CRLS1: variants seen among roughly 807,000 people sequenced by gnomAD.
CRLS1 encodes the protein cardiolipin synthase (CMP-forming).
CRLS1 carries 24 observed loss-of-function variants against 37.0 expected under a neutral mutation model. The observed-to-expected ratio is 0.65, with a 90% CI of 0.47 to 0.91. The LOEUF (loss-of-function observed/expected upper bound fraction) is 0.91, where lower values mean the gene tolerates loss of function less well. Among genes scored for constraint, CRLS1 ranks in the 40% least tolerant of loss-of-function variants. CRLS1 has a pLI of 0.00. For synonymous variants in CRLS1, 135 were observed against 159.7 expected, an observed-to-expected ratio of 0.85 and a Z score of 1.17; for missense variants, 373 against 395.8, an observed-to-expected ratio of 0.94 and a Z score of 0.49.
At chr20:6,019,161 T>C (rs2122961136) in intron 3 of CRLS1, among the ~76,000 whole-genome samples, 1 of 152,332 alleles carries the variant, frequency 6.6e-6, no homozygotes, top group South Asian at 2.1e-4. Context: ...GGAGTTTTCT[T>C]TAGGGCAGAG....
chr20:6,020,232 T>C (rs1488692906), intron 3 of CRLS1, among the ~76,000 whole-genome samples: 4 of 152,234 alleles, frequency 2.6e-5, no homozygotes, highest in Admixed American at 1.3e-4. Flanking sequence ...TTTTCAGCTT[T>C]TCTTTTCTAA....
chr20:6,006,702 C>T, intron 1 of CRLS1, 150 bp downstream of exon 1: 1 of 1,210,074 alleles, frequency 8.3e-7, no homozygotes, highest in Non-Finnish European at 1.0e-6. Context: ...GCAGGTCATT[C>T]GGTCGGGATG....
intron 4 of CRLS1, 98 bp downstream of exon 4, chr20:6,031,468 G>T (rs1197640112): frequency 1.2e-6 from 1 of 851,712 alleles, no homozygotes; most frequent in Non-Finnish European, 1.8e-6. Flanking sequence ...TCAATTGATG[G>T]CACGTGAAAC....
chr20:6,010,977 A>T (rs919187818), intron 2 of CRLS1, among the ~76,000 whole-genome samples: 1 of 152,048 alleles, frequency 6.6e-6, no homozygotes, highest in African/African-American at 2.4e-5. Context: ...TGATCGCACC[A>T]CTGTACTCTA....
intron 6 of CRLS1, among the ~76,000 whole-genome samples, chr20:6,035,087 A>G (rs1980448192): frequency 1.3e-5 from 2 of 152,246 alleles, no homozygotes; most frequent in South Asian, 4.1e-4. Context: ...AAATAGTCAC[A>G]TTGACATTGG....
At chr20:6,035,292 T>A (rs2123032804) in intron 6 of CRLS1, among the ~76,000 whole-genome samples, 1 of 152,344 alleles carries the variant, frequency 6.6e-6, no homozygotes, top group African/African-American at 2.4e-5. Flanking sequence ...TACCTTCTGA[T>A]ATAGGATGAA....
chr20:6,021,259 G>T (rs1207864636), intron 3 of CRLS1, among the ~76,000 whole-genome samples: 3 of 151,858 alleles, frequency 2.0e-5, no homozygotes, highest in Admixed American at 2.0e-4. Context: ...TAGAGACGGG[G>T]TTTCACCATG....
chr20:6,032,019 T>C lies in CRLS1; in HGVS notation c.668T>C (p.Leu223Pro). ...TTTTTGGTCCTCTGCCAGCGAACACTTGCCAAGTATTTCAATCCTTGCTAT... is the reference window on the plus strand; with the variant it reads ...TTTTTGGTCCTCTGCCAGCGAACACCTGCCAAGTATTTCAATCCTTGCTAT... Reference protein sequence around the residue: ...RYRTLPTPRTLAKYFNPCYAT... With the variant: ...RYRTLPTPRTPAKYFNPCYAT... The change falls in exon 5 of 7, where the codon CTT becomes CCT. Residue 223 changes from leucine (L) to proline (P), a missense_variant. By Grantham distance (98) the Leu-to-Pro change is moderately conservative (BLOSUM62 -3). Coordinates refer to ENST00000378863, the MANE Select transcript of CRLS1 (RefSeq NM_019095.6). The C allele has an allele frequency of 6.2e-7, 1 of 1,612,502 alleles. No individual in the cohort carries two copies. Among genetic ancestry groups the C allele is most frequent in the South Asian group, 1.1e-5 (1 of 90,868 alleles).
rs759366738 is a variant in CRLS1, at chr20:6,033,397, A to G, written c.730-1067A>G. The stretch of plus-strand genomic sequence containing the variant: ...GTGATCCACCCATCTCGGCCTCCCA[A>G]AGTGCTGGGCTTACAGGCGTGAGCC... On this transcript the variant is annotated intron_variant, in intron 5 of 6. Coordinates refer to ENST00000378863, the MANE Select transcript of CRLS1 (RefSeq NM_019095.6). Among the ~76,000 whole-genome samples, 25 of 152,232 alleles carry G rather than the reference A, an allele frequency of 1.6e-4. 1 individual carries two copies. The South Asian group carries it at 1.9e-3, about 11-fold the overall frequency.
Position 6,034,649 on chromosome 20 carries a change from G to A in CRLS1, c.821+94G>A, listed in dbSNP as rs950105654. ...ACCTTGTTCTTACAGCATTTGTTGA[G>A]CACTGACTGGGTAAAGCTGTGGCTA... On this transcript the variant is annotated intron_variant, in intron 6 of 6. Coordinates refer to ENST00000378863, the MANE Select transcript of CRLS1 (RefSeq NM_019095.6). The A allele has an allele frequency of 9.1e-6, 8 of 879,792 alleles. No homozygotes were observed. In the African/African-American group the frequency reaches 1.2e-4, roughly 13 times the overall value. 54.5% of individuals were successfully genotyped at this position (879,792 alleles called of 1,614,324 possible).
intron 3 of CRLS1, among the ~76,000 whole-genome samples, chr20:6,020,928 G>A (rs34063455): frequency 0.021 from 3,155 of 151,702 alleles, 88 homozygotes; most frequent in African/African-American, 0.063. Context: ...CACCGCGCCC[G>A]GCCTAATCCT....
intron 3 of CRLS1, chr20:6,016,020 G>A (rs1473205924): frequency 6.4e-6 from 1 of 156,298 alleles, no homozygotes; most frequent in Non-Finnish European, 1.4e-5. Context: ...TATTTTGCAT[G>A]TGCTTTTCTG....
chr20:6,022,585 A>G (rs1346291754), intron 3 of CRLS1, among the ~76,000 whole-genome samples: 3 of 151,892 alleles, frequency 2.0e-5, no homozygotes, highest in Non-Finnish European at 4.4e-5. Context: ...CAATCCACCC[A>G]CCTTGGCCTT....
In CRLS1 at chr20:6,015,451, A is replaced by G; in HGVS notation, c.535A>G (p.Ile179Val). ...DPLADKILIS[I>V]LYVSLTYADL... ...ACTTGCTGATAAAATACTTATCAGTATCTTATATGTTAGCTTGACCTATGC... is the reference window on the plus strand; with the variant it reads ...ACTTGCTGATAAAATACTTATCAGTGTCTTATATGTTAGCTTGACCTATGC... The change falls in exon 3 of 7, where the codon ATC becomes GTC. Residue 179 changes from isoleucine (I) to valine (V), a missense_variant. Transcript: ENST00000378863. The G allele has an allele frequency of 5.0e-6, 8 of 1,613,206 alleles. No homozygotes were observed. Among genetic ancestry groups the G allele is most frequent in the Non-Finnish European group, 6.8e-6 (8 of 1,179,280 alleles).
At chr20:6,009,464 T>C (rs1050085011) in intron 1 of CRLS1, among the ~76,000 whole-genome samples, 3 of 152,182 alleles carry the variant, frequency 2.0e-5, no homozygotes, top group African/African-American at 7.2e-5. Flanking sequence ...TGGGATTCTC[T>C]CCATGTTTCC....
chr20:6,022,577 A>ATC, intron 3 of CRLS1, among the ~76,000 whole-genome samples: 1 of 152,208 alleles, frequency 6.6e-6, no homozygotes, highest in Admixed American at 6.5e-5. Context: ...AGCTCAAGCA[A>ATC]TCCACCCACC....
intron 3 of CRLS1, among the ~76,000 whole-genome samples, chr20:6,025,363 TACA>T (rs1328526961): frequency 6.6e-6 from 1 of 152,214 alleles, no homozygotes; most frequent in Non-Finnish European, 1.5e-5. Context: ...CACATCTGTT[TACA>T]ACATGATGTG....
At chr20:6,025,253 G>A (rs370940299) in intron 3 of CRLS1, among the ~76,000 whole-genome samples, 4 of 152,304 alleles carry the variant, frequency 2.6e-5, no homozygotes, top group African/African-American at 9.6e-5. Flanking sequence ...GTTGAAGCCA[G>A]TGCTAATTTA....
At chr20:6,016,273 T>G (rs556342083) in intron 3 of CRLS1, among the ~76,000 whole-genome samples, 2 of 152,160 alleles carry the variant, frequency 1.3e-5, no homozygotes, top group African/African-American at 2.4e-5. Context: ...TTATTGACAC[T>G]TGGTAGAAAG....
Sources: allele counts gnomAD v4.1 joint callset (sites outside exome capture counted in the v4.1 genomes callset), GRCh38; gene constraint gnomAD v4.1.1; transcripts MANE v1.5; gene names NCBI Gene and HGNC (gene_info 2026-07-23, HGNC 2026-07-21).